Variants in OSBPL10 observed in about 807,000 individuals in gnomAD.
OSBPL10 encodes the protein oxysterol-binding protein-related protein 10.
A neutral mutation model predicts 81.7 loss-of-function variants in OSBPL10; 49 were observed. That is an observed-to-expected ratio of 0.60 (90% CI 0.48 to 0.76). The LOEUF is 0.76. Ranked by LOEUF, OSBPL10 falls within the 30% of genes least tolerant of loss-of-function variation. The pLI is 0.00. For missense variants in OSBPL10, 923 were observed against 987.8 expected (o/e 0.93, Z 0.88); for synonymous variants, 419 against 383.6 (o/e 1.09, Z -1.08).
chr3:31,984,329 CG>C (rs556995824), upstream of OSBPL10, among the ~76,000 whole-genome samples: 323 of 151,596 alleles, frequency 2.1e-3, 2 homozygotes, highest in South Asian at 8.0e-3. Flanking sequence ...CGTGAGCCAC[CG>C]TACCGGGCCC....
chr3:32,074,136 T>C (rs1199329694), intron 1 of OSBPL10, among the ~76,000 whole-genome samples: 1 of 152,122 alleles, frequency 6.6e-6, no homozygotes, highest in East Asian at 1.9e-4. Context: ...CCCACCTCCC[T>C]GCACCTCAGA....
At chr3:32,030,092 T>C in intron 2 of OSBPL10, 1 of 193,696 alleles carries the variant, frequency 5.2e-6, no homozygotes, top group Non-Finnish European at 1.1e-5. Context: ...CAAAGAAGGT[T>C]AGAGGCTAAA....
chr3:31,674,797 A>G (rs1700422274), intron 8 of OSBPL10, among the ~76,000 whole-genome samples: 1 of 152,140 alleles, frequency 6.6e-6, no homozygotes, highest in Admixed American at 6.5e-5. Flanking sequence ...TGAGTCAAAT[A>G]AACCTCTTTC....
chr3:32,001,416 C>T (rs183826169), intron 2 of OSBPL10, among the ~76,000 whole-genome samples: 7 of 152,110 alleles, frequency 4.6e-5, no homozygotes, highest in Admixed American at 2.6e-4. Flanking sequence ...GTACAATAAG[C>T]ATTTTACATC....
intron 4 of OSBPL10, among the ~76,000 whole-genome samples, chr3:31,794,069 T>G (rs1170003273): frequency 2.0e-5 from 3 of 152,220 alleles, no homozygotes; most frequent in African/African-American, 7.2e-5. Context: ...TGGAGGGGAC[T>G]TGCCCCTGCT....
chr3:31,687,873 TAGTG>T (rs543114062), intron 7 of OSBPL10, among the ~76,000 whole-genome samples: 2 of 142,884 alleles, frequency 1.4e-5, no homozygotes, highest in African/African-American at 5.7e-5. Flanking sequence ...CTGGGCAACA[TAGTG>T]AGAACCCATC....
At chr3:31,980,754 A>G in intron 1 of OSBPL10, 145 bp downstream of exon 1, 1 of 1,083,286 alleles carries the variant, frequency 9.2e-7, no homozygotes, top group East Asian at 3.3e-5. Context: ...GGACGCAGGA[A>G]GGGCACCGTT....
intron 1 of OSBPL10, among the ~76,000 whole-genome samples, chr3:31,964,821 AAGTT>A (rs1297250946): frequency 6.6e-6 from 1 of 152,290 alleles, no homozygotes; most frequent in African/African-American, 2.4e-5. Flanking sequence ...ATGTAAAAGT[AAGTT>A]AGTCTGTAAA....
chr3:32,074,037 C>G (rs754939193), intron 1 of OSBPL10, among the ~76,000 whole-genome samples: 3 of 152,186 alleles, frequency 2.0e-5, no homozygotes, highest in Non-Finnish European at 4.4e-5. Context: ...GCCAATCCTT[C>G]TCTAGCAAAG....
At chr3:31,871,615 A>C (rs1042227156) in intron 3 of OSBPL10, among the ~76,000 whole-genome samples, 6 of 152,210 alleles carry the variant, frequency 3.9e-5, no homozygotes, top group Admixed American at 3.9e-4. Flanking sequence ...TCATGCCTAT[A>C]ATCCCAGCAC....
chr3:31,967,181 G>C (rs544625247), intron 1 of OSBPL10, among the ~76,000 whole-genome samples: 1 of 152,212 alleles, frequency 6.6e-6, no homozygotes, highest in Middle Eastern at 3.4e-3. Flanking sequence ...TTCCCTCACT[G>C]AGACATCTTT....
intron 4 of OSBPL10, chr3:31,795,814 C>CTACCTGAGAGAG (rs1699198211): frequency 4.1e-6 from 1 of 244,414 alleles, no homozygotes; most frequent in Non-Finnish European, 9.2e-6. Flanking sequence ...GTCTCACTTC[C>CTACCTGAGAGAG]TTCTACCTGA....
intron 1 of OSBPL10, among the ~76,000 whole-genome samples, chr3:31,884,003 T>C (rs1376944473): frequency 6.6e-6 from 1 of 152,254 alleles, no homozygotes; most frequent in East Asian, 1.9e-4. Flanking sequence ...ACCTGCCAGC[T>C]TGCCAGCTTT....
Position 31,990,725 on chromosome 3 carries a change from G to A in OSBPL10, n.298+55766C>T, listed in dbSNP as rs752530277. On this transcript the variant is annotated intron_variant and non_coding_transcript_variant, in intron 2 of 3. Coordinates refer to the OSBPL10 transcript ENST00000479173. ...GAAGAATGTGACACAGTTTTCAGTC[G>A]CAAATCACACCATGAAACACATAAG... 2.0e-5 allele frequency: 32 copies of A among 1,613,544 alleles called. No homozygotes were observed. The highest frequency in any genetic ancestry group is 8.3e-5 in the Admixed American group (5 of 59,972).
intron 1 of OSBPL10, among the ~76,000 whole-genome samples, chr3:31,973,585 GA>G (rs935521177): frequency 6.6e-6 from 1 of 152,190 alleles, no homozygotes; most frequent in Non-Finnish European, 1.5e-5. Flanking sequence ...GACAAAGCTG[GA>G]AAGGTAAGAA....
At chr3:31,840,966 T>C (rs952261849) in intron 3 of OSBPL10, among the ~76,000 whole-genome samples, 1 of 152,208 alleles carries the variant, frequency 6.6e-6, no homozygotes, top group South Asian at 2.1e-4. Context: ...TGGAGTGCAA[T>C]GGCGTGATCT....
At chr3:31,996,507 A>C (rs113172195) in intron 2 of OSBPL10, among the ~76,000 whole-genome samples, 4 of 151,668 alleles carry the variant, frequency 2.6e-5, no homozygotes, top group African/African-American at 7.3e-5. Context: ...CAGGGGGAGA[A>C]GGGGGTTAGT....
intron 1 of OSBPL10, among the ~76,000 whole-genome samples, chr3:31,905,264 T>A (rs896303801): frequency 2.6e-5 from 4 of 151,596 alleles, no homozygotes; most frequent in African/African-American, 9.7e-5. Context: ...AGTCCTCAAG[T>A]CACACGATGA....
At chr3:31,995,840 A>G (rs1487478453) in intron 2 of OSBPL10, among the ~76,000 whole-genome samples, 1 of 152,190 alleles carries the variant, frequency 6.6e-6, no homozygotes, top group East Asian at 1.9e-4. Flanking sequence ...GGAAGTCCCT[A>G]TCCAGAGATG....
Sources: allele counts gnomAD v4.1 joint callset (sites outside exome capture counted in the v4.1 genomes callset), GRCh38; gene constraint gnomAD v4.1.1; transcripts MANE v1.5; gene names NCBI Gene and HGNC (gene_info 2026-07-23, HGNC 2026-07-21).